LHX5: variants seen among roughly 807,000 people sequenced by gnomAD.
LHX5 encodes the protein LIM/homeobox protein Lhx5.
LHX5 carries 5 observed loss-of-function variants against 30.6 expected under a neutral mutation model. The observed-to-expected ratio is 0.16, with a 90% CI of 0.09 to 0.34. LHX5 has a LOEUF of 0.34. Among genes scored for constraint, LHX5 ranks in the 10% least tolerant of loss-of-function variants. The pLI is 1.00. For missense variants in LHX5, 458 were observed against 570.6 expected (o/e 0.80, Z 2.01); for synonymous variants, 266 against 252.6 (o/e 1.05, Z -0.50).
rs1359117622 is a variant in LHX5 at position 113,471,801 on chromosome 12, G to A, written c.-303C>T. 7.9e-6 allele frequency: 3 copies of A among 379,998 alleles called. No homozygotes were observed. The highest frequency in any genetic ancestry group is 1.4e-5 in the Non-Finnish European group (3 of 213,464). The allele number at this position is 379,998 out of a possible 1,614,324, so 23.5% of individuals were successfully genotyped here. ...GCTGCTGGCCTCGGCGCTGCGGAGC[G>A]GCTTTCCCCGGTGGCGGAGGCGCCG... is the stretch of plus-strand genomic sequence containing the variant. On this transcript the variant is annotated 5_prime_UTR_variant, in exon 1 of 5. Coordinates refer to ENST00000261731, the MANE Select transcript of LHX5 (RefSeq NM_022363.3).
chr12:113,462,997 C>A lies in LHX5; in HGVS notation c.*193G>T, dbSNP rs926450096. 3 of 542,382 alleles carry A rather than the reference C, an allele frequency of 5.5e-6. No individual in the cohort carries two copies. The highest frequency in any genetic ancestry group is 6.3e-6 in the Non-Finnish European group (2 of 315,334). 33.6% of individuals were successfully genotyped at this position (542,382 alleles called of 1,614,324 possible). A position where few individuals can be genotyped will look rare whatever the true frequency, so the allele number is the denominator to read the frequency against. ...TGGGCTGAGGCTCCTGGAGAGCCCG[C>A]GGGGTGGAGATGGGGGTCGGCCCCC... On this transcript the variant is annotated 3_prime_UTR_variant, in exon 5 of 5. Transcript: ENST00000261731.
rs1449416832 is a variant in LHX5, at chr12:113,465,218, A to G, written c.842-1661T>C. ...TTGCCAATTACTTTTTAAAACCATT[A>G]ATTTAATTCTCCCCGAAAGTGAAGG... On this transcript the variant is annotated intron_variant, in intron 4 of 4. Transcript: ENST00000261731. The surrounding 1 kb of genome is among the most constrained non-coding windows in gnomAD (Gnocchi z 6.7). Among the ~76,000 whole-genome samples, 1 of 152,178 alleles carries G rather than the reference A, an allele frequency of 6.6e-6. No homozygotes were observed. Among genetic ancestry groups the G allele is most frequent in the Non-Finnish European group, 1.5e-5 (1 of 68,018 alleles).
At position 113,463,561 on chromosome 12, in the gene LHX5, C is replaced by T. The variant is rs559524377; in HGVS notation, c.842-4G>A. The T allele has an allele frequency of 3.3e-6, 5 of 1,523,400 alleles. No individual in the cohort carries two copies. Among genetic ancestry groups the T allele is most frequent in the East Asian group, 2.5e-5 (1 of 40,018 alleles). The allele number at this position is 1,523,400 out of a possible 1,614,324, so 94.4% of individuals were successfully genotyped here. A position where few individuals can be genotyped will look rare whatever the true frequency, so the allele number is the denominator to read the frequency against. ...GCGTAGTAGTCGCCTTGGTAGTCTG[C>T]GGAGGGGGAGCGGGAAGGAGACAGG... On this transcript the variant is annotated splice_region_variant and splice_polypyrimidine_tract_variant and intron_variant, in intron 4 of 4. Coordinates refer to ENST00000261731, the MANE Select transcript of LHX5 (RefSeq NM_022363.3). This position sits in a 1 kb window ranked among gnomAD's most constrained non-coding sequence, Gnocchi z 6.7.
At position 113,469,039 on chromosome 12, in the gene LHX5, C is replaced by CG. The variant is rs921451650; in HGVS notation, c.397+82dup. 19 of 1,060,236 alleles carry CG rather than the reference C, an allele frequency of 1.8e-5. No homozygotes were observed. The African/African-American group carries it at 3.0e-4, about 17-fold the overall frequency. The allele number at this position is 1,060,236 out of a possible 1,614,324, so 65.7% of individuals were successfully genotyped here. ...TCCAAGCTCAGCACAGACAGCACAC[C>CG]GGGGGCCAAGTAGGGAGTGCCAGGC... On this transcript the variant is annotated intron_variant, in intron 2 of 4. Coordinates refer to ENST00000261731, the MANE Select transcript of LHX5 (RefSeq NM_022363.3).
In LHX5 at chr12:113,468,272, C is replaced by T. The variant is rs752495172; in HGVS notation, c.530G>A (p.Gly177Asp). The T allele has an allele frequency of 1.9e-6, 3 of 1,614,120 alleles. No homozygotes were observed. Among genetic ancestry groups the T allele is most frequent in the South Asian group, 2.2e-5 (2 of 91,088 alleles). ...GGTGCGGGGGCCGCGCCGCTTGGTGCCCGAGTTCTGCTCCTCGTTCTCGTT... is the reference window on the plus strand; with the variant it reads ...GGTGCGGGGGCCGCGCCGCTTGGTGTCCGAGTTCTGCTCCTCGTTCTCGTT... The part of the protein sequence containing the change: ...ANNENEEQNS[G>D]TKRRGPRTTI... The change falls in exon 3 of 5, where the codon GGC (glycine) becomes GAC (aspartate). Residue 177 changes from glycine (G) to aspartate (D), a missense_variant. Physicochemically the swap from Gly to Asp is moderately conservative, Grantham distance 94. Transcript: ENST00000261731.
At position 113,464,008 on chromosome 12, in the gene LHX5, C is replaced by A. The variant is rs1361626983; in HGVS notation, c.842-451G>T. Among the ~76,000 whole-genome samples the A allele has an allele frequency of 6.6e-6, 1 of 152,020 alleles. No individual in the cohort carries two copies. The highest frequency in any genetic ancestry group is 1.9e-4 in the East Asian group (1 of 5,182). ...GACAGCGAGAGACAGACGGAGAGATCGGCAGAGGGGCAGAGAGAAAGGCGG... is the reference window on the plus strand; with the variant it reads ...GACAGCGAGAGACAGACGGAGAGATAGGCAGAGGGGCAGAGAGAAAGGCGG... On this transcript the variant is annotated intron_variant, in intron 4 of 4. Transcript: ENST00000261731. This position sits in a 1 kb window ranked among gnomAD's most constrained non-coding sequence, Gnocchi z 6.2.
At chr12:113,468,091 G>C in intron 3 of LHX5, 36 bp downstream of exon 3, 1 of 1,480,880 alleles carries the variant, frequency 6.8e-7, no homozygotes, top group Non-Finnish European at 8.9e-7. Flanking sequence ...TCCCAGGCCA[G>C]CGGGGCTAAG....
At position 113,471,680 on chromosome 12, in the gene LHX5, G is replaced by T; in HGVS notation, c.-182C>A. 1.7e-6 allele frequency: 1 copy of T among 589,116 alleles called. No individual in the cohort carries two copies. The allele number at this position is 589,116 out of a possible 1,614,324, so 36.5% of individuals were successfully genotyped here. On this transcript the variant is annotated 5_prime_UTR_variant, in exon 1 of 5. Coordinates refer to ENST00000261731, the MANE Select transcript of LHX5 (RefSeq NM_022363.3). ...TCTCTGGCCTGGCGCTGGGCTGCCC[G>T]GAGTGGGGTGGTGGGGGGCGGGTGG...
At position 113,471,321 on chromosome 12, in the gene LHX5, C is replaced by T; in HGVS notation, c.173+5G>A. 6.2e-7 allele frequency: 1 copy of T among 1,613,476 alleles called. No individual in the cohort carries two copies. The highest frequency in any genetic ancestry group is 8.5e-7 in the Non-Finnish European group (1 of 1,179,858). Reference sequence around the variant, plus strand: ...CGCAGGCAGCAGAGCGGCGCGGCCTCTTACCTGAAAAAGTCATTTTTGCAG... The same window carrying T: ...CGCAGGCAGCAGAGCGGCGCGGCCTTTTACCTGAAAAAGTCATTTTTGCAG... On this transcript the variant is annotated splice_donor_5th_base_variant and intron_variant, in intron 1 of 4. Transcript: ENST00000261731.
At chr12:113,470,142 T>C (rs1487688455) in intron 1 of LHX5, among the ~76,000 whole-genome samples, 1 of 152,092 alleles carries the variant, frequency 6.6e-6, no homozygotes, top group African/African-American at 2.4e-5. Context: ...TCCTTTTCTT[T>C]CTTCTTTGAG....
In LHX5 at chr12:113,463,392, G is replaced by A. The variant is rs779096718; in HGVS notation, c.1007C>T (p.Ala336Val). The A allele has an allele frequency of 6.4e-7, 1 of 1,554,792 alleles. No homozygotes were observed. Among genetic ancestry groups the A allele is most frequent in the Admixed American group, 1.9e-5 (1 of 52,346 alleles). ...CATGTCGGTGAACCTGGGGTTGTCCGCGGCGTGCGGGCCGGCGAGCGGCGG... is the reference window on the plus strand; with the variant it reads ...CATGTCGGTGAACCTGGGGTTGTCCACGGCGTGCGGGCCGGCGAGCGGCGG... The part of the protein sequence containing the change: ...LEPPLAGPHA[A>V]DNPRFTDMIS... The change falls in exon 5 of 5, where the codon GCG becomes GTG. Residue 336 changes from alanine to valine, a missense_variant. Physicochemically the swap from Ala to Val is moderately conservative, Grantham distance 64. This residue lies in a region of LHX5 where 255 missense variants were observed against 246.8 expected (regional missense o/e 1.03). Coordinates refer to ENST00000261731, the MANE Select transcript of LHX5 (RefSeq NM_022363.3). The surrounding 1 kb of genome is among the most constrained non-coding windows in gnomAD (Gnocchi z 6.7).
chr12:113,468,642 A>T (rs1958229051), intron 2 of LHX5, among the ~76,000 whole-genome samples: 1 of 152,172 alleles, frequency 6.6e-6, no homozygotes, highest in South Asian at 2.1e-4. Context: ...CGCGCGTCTC[A>T]GCTAGTACCT....
chr12:113,468,754 C>T (rs1958229426), intron 2 of LHX5, among the ~76,000 whole-genome samples: 1 of 152,238 alleles, frequency 6.6e-6, no homozygotes, highest in Non-Finnish European at 1.5e-5. Context: ...CTTCCTCTCT[C>T]TTCCCTCCTC....
intron 1 of LHX5, among the ~76,000 whole-genome samples, chr12:113,470,018 T>TCTG (rs1319590596): frequency 6.6e-6 from 1 of 152,198 alleles, no homozygotes; most frequent in African/African-American, 2.4e-5. Context: ...TCAGCCCCCC[T>TCTG]AAACCTCTGG....
Position 113,465,312 on chromosome 12 carries a change from G to A in LHX5, c.842-1755C>T, listed in dbSNP as rs1227823663. 1.3e-5 allele frequency among the ~76,000 whole-genome samples: 2 copies of A among 152,224 alleles called. No homozygotes were observed. The highest frequency in any genetic ancestry group is 2.9e-5 in the Non-Finnish European group (2 of 68,034). Reference sequence around the variant, plus strand: ...ATGGGAGACGGCCGCGGCCCGCGGCGAGCCGGAAAACCAGCGAAGGCCGCT... The same window carrying A: ...ATGGGAGACGGCCGCGGCCCGCGGCAAGCCGGAAAACCAGCGAAGGCCGCT... On this transcript the variant is annotated intron_variant, in intron 4 of 4. Transcript: ENST00000261731. This position sits in a 1 kb window ranked among gnomAD's most constrained non-coding sequence, Gnocchi z 6.7.
At position 113,467,853 on chromosome 12, in the gene LHX5, G is replaced by A. The variant is rs950958363; in HGVS notation, c.675+274C>T. 6.6e-6 allele frequency among the ~76,000 whole-genome samples: 1 copy of A among 152,244 alleles called. No homozygotes were observed. Among genetic ancestry groups the A allele is most frequent in the East Asian group, 1.9e-4 (1 of 5,198 alleles). The stretch of plus-strand genomic sequence containing the variant: ...AAGAGGGATCCCGGACCCCAGAGAG[G>A]CTTACAACCTTCCATAAGCAAGGCG... On this transcript the variant is annotated intron_variant, in intron 3 of 4. Coordinates refer to ENST00000261731, the MANE Select transcript of LHX5 (RefSeq NM_022363.3). This position sits in a 1 kb window ranked among gnomAD's most constrained non-coding sequence, Gnocchi z 6.3.
At position 113,465,362 on chromosome 12, in the gene LHX5, C is replaced by T. The variant is rs772465916; in HGVS notation, c.842-1805G>A. On this transcript the variant is annotated intron_variant, in intron 4 of 4. Transcript: ENST00000261731. The surrounding 1 kb of genome is among the most constrained non-coding windows in gnomAD (Gnocchi z 6.7). Reference sequence around the variant, plus strand: ...TGCCCCCGCGCCGTGCGCGCCGCCTCCGCCCATATGGCGGCCGGGCCGGAG... The same window carrying T: ...TGCCCCCGCGCCGTGCGCGCCGCCTTCGCCCATATGGCGGCCGGGCCGGAG... Among the ~76,000 whole-genome samples the T allele has an allele frequency of 4.6e-5, 7 of 152,216 alleles. No individual in the cohort carries two copies. Among genetic ancestry groups the T allele is most frequent in the Non-Finnish European group, 1.0e-4 (7 of 68,030 alleles).
At chr12:113,470,178 G>A (rs1402890421) in intron 1 of LHX5, among the ~76,000 whole-genome samples, 2 of 151,728 alleles carry the variant, frequency 1.3e-5, no homozygotes, top group Admixed American at 6.6e-5. Context: ...AGCCTCCCCC[G>A]AAATAGGAGA....
Position 113,471,739 on chromosome 12 carries a change from C to T in LHX5, c.-241G>A, listed in dbSNP as rs145928738. On this transcript the variant is annotated 5_prime_UTR_variant, in exon 1 of 5. Transcript: ENST00000261731. ...ACCTCATGCCACGGGCCGCACGCCC[C>T]GGCGCCTGTTCCGGGCTTCCCCAGG... 0.038 allele frequency: 17,847 copies of T among 468,360 alleles called. 449 individuals carry two copies. The highest frequency in any genetic ancestry group is 0.047 in the Non-Finnish European group (12,458 of 267,170). The allele number at this position is 468,360 out of a possible 1,614,324, so 29.0% of individuals were successfully genotyped here. A position where few individuals can be genotyped will look rare whatever the true frequency, so the allele number is the denominator to read the frequency against.
Sources: allele counts gnomAD v4.1 joint callset (sites outside exome capture counted in the v4.1 genomes callset), GRCh38; gene constraint gnomAD v4.1.1; regional missense constraint gnomAD v4.1.1; non-coding constraint Gnocchi (gnomAD v3.1); transcripts MANE v1.5; gene names NCBI Gene and HGNC (gene_info 2026-07-23, HGNC 2026-07-21).